The following SLC9A8 variants were observed in gnomAD, a reference collection of about 807,000 sequenced individuals.
The protein encoded by SLC9A8 is solute carrier family 9 member A8.
A neutral mutation model predicts 66.6 loss-of-function variants in SLC9A8; 48 were observed. The observed-to-expected ratio is 0.72, with a 90% confidence interval of 0.57 to 0.92. The LOEUF is 0.92. Among genes scored for constraint, SLC9A8 ranks in the 40% least tolerant of loss-of-function variants. The pLI, the probability that SLC9A8 is intolerant of heterozygous loss-of-function variation, is 0.00. For missense variants in SLC9A8, 599 were observed against 747.3 expected (o/e 0.80, Z 2.31); for synonymous variants, 274 against 282.6 (o/e 0.97, Z 0.31).
chr20:49,857,220 A>G (rs1224176532), intron 8 of SLC9A8, among the ~76,000 whole-genome samples: 1 of 152,214 alleles, frequency 6.6e-6, no homozygotes, highest in Non-Finnish European at 1.5e-5. Flanking sequence ...ATGAGCTAAG[A>G]GAATCTTAGA....
chr20:49,888,264 AC>A lies in SLC9A8; in HGVS notation c.*332del. On this transcript the variant is annotated 3_prime_UTR_variant, in exon 16 of 16. Transcript: ENST00000361573. ...GGGCGCCTACCCCCCCACCCGGAGG[AC>A]CCCTGCGGCCCCCTGCCTAGAGGAG... 1 of 300,226 alleles carries A rather than the reference AC, an allele frequency of 3.3e-6. No homozygotes were observed. Among genetic ancestry groups the A allele is most frequent in the South Asian group, 2.9e-5 (1 of 34,818 alleles). The allele number at this position is 300,226 out of a possible 1,614,324, so 18.6% of individuals were successfully genotyped here.
chr20:49,884,199 GAC>G (rs370760616), intron 14 of SLC9A8, 133 bp downstream of exon 14: 7,600 of 286,412 alleles, frequency 0.027, 126 homozygotes, highest in South Asian at 0.037. Context: ...CCACACACAC[GAC>G]ACACACACAC....
chr20:49,831,125 C>T (rs1037395146), intron 3 of SLC9A8: 3 of 553,656 alleles, frequency 5.4e-6, no homozygotes, highest in Non-Finnish European at 1.0e-5. Flanking sequence ...AATCTCTCCG[C>T]TAACTCCCTC....
At chr20:49,830,618 A>G in intron 3 of SLC9A8, 1 of 615,424 alleles carries the variant, frequency 1.6e-6, no homozygotes. Flanking sequence ...CTAATCACAG[A>G]ATGTTGGTGA....
chr20:49,829,723 G>T, intron 3 of SLC9A8: 1 of 507,450 alleles, frequency 2.0e-6, no homozygotes, highest in Admixed American at 2.3e-5. Flanking sequence ...CAAAGGGAAA[G>T]ATCAGACGTC....
chr20:49,831,550 A>G (rs1412609248), intron 3 of SLC9A8, among the ~76,000 whole-genome samples: 3 of 152,172 alleles, frequency 2.0e-5, no homozygotes, highest in East Asian at 3.9e-4. Context: ...AGAATCAGCA[A>G]TGAGAGTTGG....
At chr20:49,839,913 A>G (rs1308425364) in intron 4 of SLC9A8, among the ~76,000 whole-genome samples, 1 of 152,174 alleles carries the variant, frequency 6.6e-6, no homozygotes, top group South Asian at 2.1e-4. Flanking sequence ...AACATTAAAT[A>G]CTGTTTATTG....
At chr20:49,824,354 T>A (rs183724285) in intron 3 of SLC9A8, among the ~76,000 whole-genome samples, 1 of 152,350 alleles carries the variant, frequency 6.6e-6, no homozygotes, top group Admixed American at 6.5e-5. Context: ...CATAGAGCTC[T>A]AAGAATAGGA....
Position 49,886,862 on chromosome 20 carries a change from C to T in SLC9A8, c.1602C>T (p.Tyr534=), listed in dbSNP as rs763431037. 2.5e-6 allele frequency: 4 copies of T among 1,614,170 alleles called. No individual in the cohort carries two copies. In the South Asian group the frequency reaches 3.3e-5, roughly 13 times the overall value. ...LKGFVWLDAK[Y]LNPFFTRRLT... ...GCTTCGTGTGGCTGGACGCCAAGTA[C>T]CTGAACCCCTTCTTCACTCGGAGGC... The change falls in exon 15 of 16, where the codon TAC becomes TAT. Residue 534 remains tyrosine (Y), a synonymous_variant. Transcript: ENST00000361573. The surrounding 1 kb of genome is among the most constrained non-coding windows in gnomAD (Gnocchi z 4.8).
At chr20:49,852,059 G>A (rs2088277076) in intron 7 of SLC9A8, among the ~76,000 whole-genome samples, 1 of 152,190 alleles carries the variant, frequency 6.6e-6, no homozygotes, top group Non-Finnish European at 1.5e-5. Flanking sequence ...GTGTGCAGAA[G>A]TTTCCTTTGC....
At chr20:49,831,405 C>A (rs1335681522) in intron 3 of SLC9A8, among the ~76,000 whole-genome samples, 1 of 86,726 alleles carries the variant, frequency 1.2e-5, no homozygotes, top group Non-Finnish European at 2.4e-5. Context: ...CACACACACT[C>A]TCTCTCTCTC....
At chr20:49,849,313 G>A (rs994717527) in intron 5 of SLC9A8, among the ~76,000 whole-genome samples, 1 of 152,212 alleles carries the variant, frequency 6.6e-6, no homozygotes, top group Non-Finnish European at 1.5e-5. Context: ...AGACGGGAGA[G>A]TGGAGGGAAA....
At chr20:49,853,155 T>G (rs1389291938) in intron 7 of SLC9A8, among the ~76,000 whole-genome samples, 1 of 152,148 alleles carries the variant, frequency 6.6e-6, no homozygotes, top group African/African-American at 2.4e-5. Context: ...GACAGGGAAC[T>G]TGGGAGCCTG....
intron 5 of SLC9A8, among the ~76,000 whole-genome samples, chr20:49,846,862 G>T (rs1283820329): frequency 6.6e-6 from 1 of 152,182 alleles, no homozygotes; most frequent in Middle Eastern, 3.2e-3. Context: ...GGTGGAGCTT[G>T]CAGTGAGCTG....
In SLC9A8 at chr20:49,886,214, C is replaced by T. The variant is rs534768002; in HGVS notation, c.1492-538C>T. On this transcript the variant is annotated intron_variant, in intron 14 of 15. Coordinates refer to ENST00000361573, the MANE Select transcript of SLC9A8 (RefSeq NM_015266.3). This position sits in a 1 kb window ranked among gnomAD's most constrained non-coding sequence, Gnocchi z 4.8. Reference sequence around the variant, plus strand: ...GCACTCAGAGCCTGTCTGCTTTGCTCCTACCTATGACCCGAGTCCCGCCTC... The same window carrying T: ...GCACTCAGAGCCTGTCTGCTTTGCTTCTACCTATGACCCGAGTCCCGCCTC... Among the ~76,000 whole-genome samples, 3 of 152,216 alleles carry T rather than the reference C, an allele frequency of 2.0e-5. No individual in the cohort carries two copies. The highest frequency in any genetic ancestry group is 4.2e-4 in the South Asian group (2 of 4,806).
At chr20:49,816,797 C>T (rs56216342) in intron 2 of SLC9A8, among the ~76,000 whole-genome samples, 7 of 151,916 alleles carry the variant, frequency 4.6e-5, no homozygotes, top group Non-Finnish European at 7.4e-5. Context: ...GGCATTATCT[C>T]GGCTCACTGC....
intron 13 of SLC9A8, among the ~76,000 whole-genome samples, chr20:49,882,039 T>C (rs2089644091): frequency 6.6e-6 from 1 of 152,106 alleles, no homozygotes; most frequent in African/African-American, 2.4e-5. Flanking sequence ...CATCCAGGCT[T>C]TCCTGGATCC....
Position 49,888,221 on chromosome 20 carries a change from C to T in SLC9A8, c.*285C>T, listed in dbSNP as rs2089962384. ...GGGGAGGGAGCATGGGGCCAGGTGCCAGTCATCTGTGAAGCTAGGGCGCCT... is the reference window on the plus strand; with the variant it reads ...GGGGAGGGAGCATGGGGCCAGGTGCTAGTCATCTGTGAAGCTAGGGCGCCT... On this transcript the variant is annotated 3_prime_UTR_variant, in exon 16 of 16. Transcript: ENST00000361573. 5 of 351,760 alleles carry T rather than the reference C, an allele frequency of 1.4e-5. No individual in the cohort carries two copies. The highest frequency in any genetic ancestry group is 2.7e-5 in the Non-Finnish European group (5 of 186,516). The allele number at this position is 351,760 out of a possible 1,614,324, so 21.8% of individuals were successfully genotyped here. A position where few individuals can be genotyped will look rare whatever the true frequency, so the allele number is the denominator to read the frequency against.
chr20:49,826,673 C>G (rs1423936526), intron 3 of SLC9A8, among the ~76,000 whole-genome samples: 1 of 152,192 alleles, frequency 6.6e-6, no homozygotes, highest in Non-Finnish European at 1.5e-5. Context: ...TCCTTGGCCC[C>G]TGTTCGAAGC....
Sources: gnomAD v4.1 joint callset for allele counts (sites outside exome capture counted in the v4.1 genomes callset) on GRCh38, gnomAD v4.1.1 for gene constraint, Gnocchi (gnomAD v3.1) non-coding constraint, MANE v1.5 for transcripts, NCBI Gene and HGNC (gene_info 2026-07-23, HGNC 2026-07-21) for gene names.